The following LTBP2 variants were observed in gnomAD, a reference collection of about 807,000 sequenced individuals.
LTBP2 encodes the protein latent-transforming growth factor beta-binding protein 2.
In LTBP2, 103 loss-of-function variants were observed where a neutral mutation model predicts 210.6. That is an observed-to-expected ratio of 0.49 (90% CI 0.42 to 0.58). LTBP2 has a LOEUF of 0.58. Ranked by LOEUF, LTBP2 falls within the 20% of genes least tolerant of loss-of-function variation. The pLI is 0.00. For synonymous variants in LTBP2, 1,007 were observed against 1,015.0 expected, an observed-to-expected ratio of 0.99 and a Z score of 0.15; for missense variants, 2,313 against 2,494.5, an observed-to-expected ratio of 0.93 and a Z score of 1.55.
At chr14:74,543,973 C>T (rs2087547729) in intron 8 of LTBP2, among the ~76,000 whole-genome samples, 1 of 152,346 alleles carries the variant, frequency 6.6e-6, no homozygotes, top group Admixed American at 6.5e-5. Flanking sequence ...ACCCCTGCCC[C>T]AGCCCTTCCT....
chr14:74,604,483 G>A (rs900409023), intron 1 of LTBP2, among the ~76,000 whole-genome samples: 26 of 152,220 alleles, frequency 1.7e-4, no homozygotes, highest in Middle Eastern at 3.4e-3. Flanking sequence ...TTTATGTGGA[G>A]GCACAATTTT....
chr14:74,561,073 C>T (rs2087787908), intron 3 of LTBP2, among the ~76,000 whole-genome samples: 1 of 152,160 alleles, frequency 6.6e-6, no homozygotes, highest in Non-Finnish European at 1.5e-5. Context: ...AATCCTAGCA[C>T]TTTGGGAGGC....
intron 3 of LTBP2, among the ~76,000 whole-genome samples, chr14:74,562,568 G>A (rs576699368): frequency 7.9e-5 from 12 of 152,152 alleles, no homozygotes; most frequent in African/African-American, 2.9e-4. Context: ...AAACAGAAAT[G>A]TCAGAGACCA....
rs146816884 is a variant in LTBP2 at position 74,596,445 on chromosome 14, C to G, written c.565+7190G>C. ...GGGTAGATGACAAGGGCCAGCCGCA[C>G]AGAGAGATGACGGGGAGCAGACACA... On this transcript the variant is annotated intron_variant, in intron 2 of 35. Transcript: ENST00000261978. Among the ~76,000 whole-genome samples, 711 of 152,228 alleles carry G rather than the reference C, an allele frequency of 4.7e-3. 3 individuals are homozygous for G. Among genetic ancestry groups the G allele is most frequent in the Middle Eastern group, 0.014 (4 of 292 alleles).
intron 3 of LTBP2, among the ~76,000 whole-genome samples, chr14:74,573,283 T>C (rs11629289): frequency 0.38 from 58,313 of 152,180 alleles, 12,916 homozygotes; most frequent in Non-Finnish European, 0.51. Context: ...GTGGGAGTCA[T>C]GGGAATACCC....
At chr14:74,572,306 TCTGTGTGTGTGTGTGTGAGA>T (rs751751050) in intron 3 of LTBP2, among the ~76,000 whole-genome samples, 1,509 of 144,792 alleles carry the variant, frequency 0.01, 20 homozygotes, top group African/African-American at 0.036. Flanking sequence ...TGTGTGTGTG[TCTGTGTGTGTGTGTGTGAGA>T]GAGAGAGAGA....
chr14:74,597,646 G>T (rs2088386149), intron 2 of LTBP2, among the ~76,000 whole-genome samples: 1 of 152,222 alleles, frequency 6.6e-6, no homozygotes, highest in African/African-American at 2.4e-5. Flanking sequence ...AGGGTAACCT[G>T]CTCCCCAGGA....
At chr14:74,570,793 C>T (rs1304025384) in intron 3 of LTBP2, among the ~76,000 whole-genome samples, 1 of 152,144 alleles carries the variant, frequency 6.6e-6, no homozygotes, top group African/African-American at 2.4e-5. Flanking sequence ...GCTCTGTCTG[C>T]CTCTGGGGGA....
chr14:74,504,205 G>A (rs1374490921), intron 30 of LTBP2, 151 bp from the exon 31 acceptor site: 15 of 878,690 alleles, frequency 1.7e-5, no homozygotes, highest in Admixed American at 1.2e-4. Flanking sequence ...CCTTGCCTCC[G>A]GTTCCTACAT....
Position 74,545,080 on chromosome 14 carries a change from G to A in LTBP2, c.1789+4783C>T, listed in dbSNP as rs1349968587. ...GTAACTCACAAAACCCAATCTTGACGCGCATCCTCTTGGCTGCAGAATTCC... is the reference window on the plus strand; with the variant it reads ...GTAACTCACAAAACCCAATCTTGACACGCATCCTCTTGGCTGCAGAATTCC... On this transcript the variant is annotated intron_variant, in intron 8 of 35. Coordinates refer to ENST00000261978, the MANE Select transcript of LTBP2 (RefSeq NM_000428.3). Among the ~76,000 whole-genome samples, 7 of 152,040 alleles carry A rather than the reference G, an allele frequency of 4.6e-5. 1 individual carries two copies. The highest frequency in any genetic ancestry group is 2.1e-4 in the South Asian group (1 of 4,814).
At chr14:74,563,324 T>C (rs1176751115) in intron 3 of LTBP2, among the ~76,000 whole-genome samples, 1 of 152,132 alleles carries the variant, frequency 6.6e-6, no homozygotes, top group Non-Finnish European at 1.5e-5. Context: ...CACTCGTAAA[T>C]GTCCAAAATG....
At position 74,528,852 on chromosome 14, in the gene LTBP2, G is replaced by A. The variant is rs2087312146; in HGVS notation, c.2152+106C>T. 5 of 1,520,694 alleles carry A rather than the reference G, an allele frequency of 3.3e-6. No homozygotes were observed. In the East Asian group the frequency reaches 1.2e-4, roughly 36 times the overall value. The allele number at this position is 1,520,694 out of a possible 1,614,324, so 94.2% of individuals were successfully genotyped here. A position where few individuals can be genotyped will look rare whatever the true frequency, so the allele number is the denominator to read the frequency against. On this transcript the variant is annotated intron_variant, in intron 11 of 35. Transcript: ENST00000261978. The stretch of plus-strand genomic sequence containing the variant: ...ATAAGCACGTGAGCAGGCAGGGAAG[G>A]CTACTTCAGTCTTCCAGATTGAGGG...
chr14:74,560,943 G>A (rs2087786094), intron 3 of LTBP2, among the ~76,000 whole-genome samples: 1 of 152,148 alleles, frequency 6.6e-6, no homozygotes, highest in African/African-American at 2.4e-5. Context: ...GGTATTCACA[G>A]GGGTCCTGGA....
chr14:74,552,079 G>C, intron 6 of LTBP2, 108 bp downstream of exon 6: 1 of 1,050,802 alleles, frequency 9.5e-7, no homozygotes, highest in Non-Finnish European at 1.4e-6. Flanking sequence ...TGATCATAAA[G>C]GAAGGACTAC....
intron 3 of LTBP2, among the ~76,000 whole-genome samples, chr14:74,573,585 T>C (rs574843602): frequency 6.6e-6 from 1 of 152,334 alleles, no homozygotes; most frequent in East Asian, 1.9e-4. Context: ...TGAGCTACCC[T>C]GGGTTCTTAT....
chr14:74,543,391 A>C (rs1470002425), intron 8 of LTBP2, among the ~76,000 whole-genome samples: 1 of 151,554 alleles, frequency 6.6e-6, no homozygotes, highest in Non-Finnish European at 1.5e-5. Context: ...AAAAAAAAAA[A>C]AAAAAACAGT....
At chr14:74,541,760 T>TAAGAA (rs2087511351) in intron 8 of LTBP2, among the ~76,000 whole-genome samples, 1 of 143,820 alleles carries the variant, frequency 7.0e-6, no homozygotes, top group Non-Finnish European at 1.5e-5. Flanking sequence ...GGAGAGGGAA[T>TAAGAA]AAGAAAAAAA....
chr14:74,523,017 C>A, intron 15 of LTBP2, 99 bp from the exon 16 acceptor site: 1 of 1,443,672 alleles, frequency 6.9e-7, no homozygotes, highest in East Asian at 2.4e-5. Context: ...GTCTAGGGGC[C>A]TCAGAAGGCC....
rs768278311 is a variant in LTBP2 at position 74,549,936 on chromosome 14, G to A, written c.1716C>T (p.Thr572=). Residue 572 remains threonine, a synonymous_variant, in exon 8 of 36, where the codon ACC becomes ACT. Transcript: ENST00000261978. ...CCACACTGCCACAGCAGTCCTCCTG[G>A]GTAGTCAGCTCCAGCAGAGGGTTGG... ...QCANPLLELT[T]QEDCCGSVGA... is the part of the protein sequence containing the mutation. 2 of 1,614,086 alleles carry A rather than the reference G, an allele frequency of 1.2e-6. No homozygotes were observed. Among genetic ancestry groups the A allele is most frequent in the East Asian group, 2.2e-5 (1 of 44,866 alleles).
Sources: allele counts gnomAD v4.1 joint callset (sites outside exome capture counted in the v4.1 genomes callset), GRCh38; gene constraint gnomAD v4.1.1; transcripts MANE v1.5; gene names NCBI Gene and HGNC (gene_info 2026-07-23, HGNC 2026-07-21).